The following DNM1 variants were observed in gnomAD, a reference collection of about 807,000 sequenced individuals.
DNM1 encodes dynamin 1, also known as dynamin-1.
In DNM1, 29 loss-of-function variants were observed where a neutral mutation model predicts 104.6. That is an observed-to-expected ratio of 0.28 (90% confidence interval 0.21 to 0.38). The LOEUF is 0.38. DNM1 is among the 10% of genes least tolerant of loss of function. The pLI, the probability that DNM1 is intolerant of heterozygous loss-of-function variation, is 1.00. For missense variants in DNM1, 640 were observed against 1,189.4 expected (o/e 0.54, Z 6.79); for synonymous variants, 445 against 475.8 (o/e 0.94, Z 0.84).
chr9:128,244,989 G>C (rs1358153245), intron 15 of DNM1: 1 of 278,722 alleles, frequency 3.6e-6, no homozygotes, highest in Non-Finnish European at 7.6e-6. Context: ...CTCCTTTGAC[G>C]TGGCAGGGGT....
At chr9:128,231,091 C>T (rs1037412996) in intron 10 of DNM1, among the ~76,000 whole-genome samples, 5 of 152,072 alleles carry the variant, frequency 3.3e-5, no homozygotes, top group African/African-American at 1.2e-4. Flanking sequence ...GCATGCGCCA[C>T]CATGCCCTGC....
chr9:128,246,495 G>C lies in DNM1; in HGVS notation c.1773G>C (p.Thr591=). The C allele has an allele frequency of 2.5e-6, 4 of 1,613,592 alleles. No homozygotes were observed. Among genetic ancestry groups the C allele is most frequent in the Non-Finnish European group, 3.4e-6 (4 of 1,179,608 alleles). The part of the protein sequence containing the change: ...SSKHIFALFN[T]EQRNVYKDYR... The stretch of plus-strand genomic sequence containing the variant: ...AGCATATCTTTGCCCTCTTTAACAC[G>C]GAGCAGAGGTGCCTGCCTGCCCCTG... Residue 591 remains threonine (T), a synonymous_variant, in exon 16 of 22, where the codon ACG becomes ACC. Coordinates refer to ENST00000372923, the MANE Select transcript of DNM1 (RefSeq NM_004408.4).
intron 4 of DNM1, among the ~76,000 whole-genome samples, chr9:128,219,468 A>G (rs1834810889): frequency 1.3e-5 from 2 of 152,006 alleles, no homozygotes; most frequent in Non-Finnish European, 2.9e-5. Context: ...CAGGAGTTCG[A>G]GACAAGGCTG....
intron 10 of DNM1, 70 bp from the exon 11 acceptor site, chr9:128,233,951 C>G: frequency 7.2e-7 from 1 of 1,389,856 alleles, no homozygotes; most frequent in Non-Finnish European, 1.0e-6. Flanking sequence ...TCCCTGGACT[C>G]GTGGGGTGTG....
chr9:128,214,515 A>G (rs1399555585), intron 1 of DNM1, among the ~76,000 whole-genome samples: 1 of 152,226 alleles, frequency 6.6e-6, no homozygotes, highest in Non-Finnish European at 1.5e-5. Flanking sequence ...CCTGGGAACC[A>G]GGATCCCAGA....
chr9:128,224,363 A>G lies in DNM1; in HGVS notation c.1309A>G (p.Ser437Gly). The G allele has an allele frequency of 6.2e-7, 1 of 1,613,968 alleles. No individual in the cohort carries two copies. Among genetic ancestry groups the G allele is most frequent in the Non-Finnish European group, 8.5e-7 (1 of 1,179,918 alleles). Residue 437 changes from serine to glycine, a missense_variant, in exon 10 of 22, where the codon AGC (serine) becomes GGC (glycine). Ser to Gly is a moderately conservative substitution (Grantham distance 56). Transcript: ENST00000372923. This position sits in a 1 kb window ranked among gnomAD's most constrained non-coding sequence, Gnocchi z 4.3. ...CVDMVISELI[S>G]TVRQCTKKLQ... ...GGACATGGTTATCTCGGAGCTAATCAGCACCGTTAGACAGTGCACCAAGAA... is the reference window on the plus strand; with the variant it reads ...GGACATGGTTATCTCGGAGCTAATCGGCACCGTTAGACAGTGCACCAAGAA...
chr9:128,220,235 T>C lies in DNM1; in HGVS notation c.743T>C (p.Ile248Thr). The change falls in exon 6 of 22, where the codon ATT becomes ACT. Residue 248 changes from isoleucine (I) to threonine (T), a missense_variant. Around this residue, in one of 7 missense-constraint regions of DNM1, gnomAD observed 81 missense variants for 99.8 expected, o/e 0.81. Transcript: ENST00000372923. The surrounding 1 kb of genome is among the most constrained non-coding windows in gnomAD (Gnocchi z 5.2). ...SQKDIDGKKD[I>T]TAALAAERKF... ...AAGGACATTGATGGCAAGAAGGACA[T>C]TACCGCCGCCTTGGCTGCTGAACGA... is the stretch of plus-strand genomic sequence containing the variant. 6.2e-7 allele frequency: 1 copy of C among 1,614,150 alleles called. No individual in the cohort carries two copies. Among genetic ancestry groups the C allele is most frequent in the Non-Finnish European group, 8.5e-7 (1 of 1,180,020 alleles).
At chr9:128,235,769 C>G (rs1481924402) in intron 11 of DNM1, among the ~76,000 whole-genome samples, 1 of 152,156 alleles carries the variant, frequency 6.6e-6, no homozygotes, top group Admixed American at 6.5e-5. Flanking sequence ...GGCAGGAGTG[C>G]AGTAGCATGA....
In DNM1 at chr9:128,245,307, G is replaced by A. The variant is rs1337377237; in HGVS notation, c.1672-1087G>A. Among the ~76,000 whole-genome samples the A allele has an allele frequency of 6.6e-6, 1 of 152,042 alleles. No homozygotes were observed. Among genetic ancestry groups the A allele is most frequent in the Non-Finnish European group, 1.5e-5 (1 of 67,982 alleles). Reference sequence around the variant, plus strand: ...TGGGCGGGATGACGCCAGGACGGGGGAGCAAGGTCCCCCTAAACCCAGCCC... The same window carrying A: ...TGGGCGGGATGACGCCAGGACGGGGAAGCAAGGTCCCCCTAAACCCAGCCC... On this transcript the variant is annotated intron_variant, in intron 15 of 21. Transcript: ENST00000372923. The surrounding 1 kb of genome is among the most constrained non-coding windows in gnomAD (Gnocchi z 5.2).
rs752833947 is a variant in DNM1 at position 128,228,983 on chromosome 9, A to T, written c.1335+4594A>T. 2.2e-4 allele frequency among the ~76,000 whole-genome samples: 31 copies of T among 140,446 alleles called. 1 individual carries two copies. The highest frequency in any genetic ancestry group is 4.7e-5 in the Non-Finnish European group (3 of 64,294). 92.1% of individuals were successfully genotyped at this position (140,446 alleles called of 152,430 possible). ...GGGCGACAGAGCCAGACTCCATCTC[A>T]AAAAAAAAAGAAAGAAAGAAAAAGA... is the stretch of plus-strand genomic sequence containing the variant. On this transcript the variant is annotated intron_variant, in intron 10 of 21. Coordinates refer to ENST00000372923, the MANE Select transcript of DNM1 (RefSeq NM_004408.4).
In DNM1 at chr9:128,254,578, T is replaced by A. The variant is rs924718067; in HGVS notation, c.2535-76T>A. ...GCTGCGGCGCGGCCGGCCCCGGCCG[T>A]GTGCTGCGCTTGCCTTACCAGCTCT... On this transcript the variant is annotated intron_variant, in intron 21 of 21. Coordinates refer to ENST00000372923, the MANE Select transcript of DNM1 (RefSeq NM_004408.4). The surrounding 1 kb of genome is among the most constrained non-coding windows in gnomAD (Gnocchi z 6.1). 6.6e-7 allele frequency: 1 copy of A among 1,514,352 alleles called. No individual in the cohort carries two copies. Among genetic ancestry groups the A allele is most frequent in the Non-Finnish European group, 8.9e-7 (1 of 1,127,950 alleles). The allele number at this position is 1,514,352 out of a possible 1,614,324, so 93.8% of individuals were successfully genotyped here.
intron 1 of DNM1, among the ~76,000 whole-genome samples, chr9:128,205,303 C>T (rs1463118013): frequency 6.6e-6 from 1 of 152,222 alleles, no homozygotes; most frequent in African/African-American, 2.4e-5. Context: ...CTGCGTGCTT[C>T]AGGCTTGGGG....
intron 19 of DNM1, among the ~76,000 whole-genome samples, chr9:128,249,188 A>AT (rs1829354050): frequency 8.1e-6 from 1 of 122,784 alleles, no homozygotes; most frequent in Admixed American, 8.1e-5. Flanking sequence ...GCGAGACTCC[A>AT]TCTCAAAAAA....
chr9:128,251,632 A>ACCCCCCCCCCCC (rs200535768), intron 21 of DNM1: 1 of 120,844 alleles, frequency 8.3e-6, no homozygotes, highest in Admixed American at 8.1e-5. Flanking sequence ...CCTCCCCCCA[A>ACCCCCCCCCCCC]CCACCCCCTC....
chr9:128,222,185 C>A lies in DNM1; in HGVS notation c.850-12C>A. 6.2e-7 allele frequency: 1 copy of A among 1,608,802 alleles called. No individual in the cohort carries two copies. Among genetic ancestry groups the A allele is most frequent in the Non-Finnish European group, 8.5e-7 (1 of 1,177,100 alleles). ...CATCTGTCCTCAACCCTTTCCTCACCCTTACCCCCAGCAACTGACGAACCA... is the reference window on the plus strand; with the variant it reads ...CATCTGTCCTCAACCCTTTCCTCACACTTACCCCCAGCAACTGACGAACCA... On this transcript the variant is annotated splice_polypyrimidine_tract_variant and intron_variant, in intron 6 of 21. Coordinates refer to ENST00000372923, the MANE Select transcript of DNM1 (RefSeq NM_004408.4). The surrounding 1 kb of genome is among the most constrained non-coding windows in gnomAD (Gnocchi z 7.8).
chr9:128,245,866 A>C lies in DNM1; in HGVS notation c.1672-528A>C, dbSNP rs73672478. Among the ~76,000 whole-genome samples, 641 of 152,294 alleles carry C rather than the reference A, an allele frequency of 4.2e-3. 5 individuals are homozygous for C. The highest frequency in any genetic ancestry group is 0.015 in the African/African-American group (607 of 41,558). On this transcript the variant is annotated intron_variant, in intron 15 of 21. Transcript: ENST00000372923. The surrounding 1 kb of genome is among the most constrained non-coding windows in gnomAD (Gnocchi z 5.2). ...ACTTGGGCTTGCATGTGTTGGCACA[A>C]ACACACAACTACACACATGTTGCAC...
At position 128,243,502 on chromosome 9, in the gene DNM1, G is replaced by A. The variant is rs560403846; in HGVS notation, c.1671+1157G>A. On this transcript the variant is annotated intron_variant, in intron 15 of 21. Transcript: ENST00000372923. The surrounding 1 kb of genome is among the most constrained non-coding windows in gnomAD (Gnocchi z 4.0). ...GGGGCCCCAACTCTCCACCTTGGGA[G>A]GGGCCCTCTGTCGTCACTGGCGGGG... Among the ~76,000 whole-genome samples the A allele has an allele frequency of 5.3e-5, 8 of 152,368 alleles. No homozygotes were observed. The South Asian group carries it at 1.4e-3, about 28-fold the overall frequency.
In DNM1 at chr9:128,247,350, C is replaced by G. The variant is rs1467038391; in HGVS notation, c.1782-25C>G. 5.8e-6 allele frequency: 9 copies of G among 1,564,538 alleles called. No individual in the cohort carries two copies. The South Asian group carries it at 9.0e-5, about 16-fold the overall frequency. ...GGAGGGTCAGACTTTGCCCATCTGC[C>G]CTCACTGCCTGCCCTATCTTGCAGG... On this transcript the variant is annotated intron_variant, in intron 16 of 21. Transcript: ENST00000372923. This position sits in a 1 kb window ranked among gnomAD's most constrained non-coding sequence, Gnocchi z 5.1.
intron 15 of DNM1, among the ~76,000 whole-genome samples, chr9:128,242,836 C>T (rs1836461204): frequency 6.6e-6 from 1 of 152,140 alleles, no homozygotes; most frequent in Non-Finnish European, 1.5e-5. Context: ...GGGGGAGGCA[C>T]CCTCTCACCC....
Sources: allele counts gnomAD v4.1 joint callset (sites outside exome capture counted in the v4.1 genomes callset), GRCh38; gene constraint gnomAD v4.1.1; regional missense constraint gnomAD v4.1.1; non-coding constraint Gnocchi (gnomAD v3.1); transcripts MANE v1.5; gene names NCBI Gene and HGNC (gene_info 2026-07-23, HGNC 2026-07-21).